TGFBR2: variants seen among roughly 807,000 people sequenced by gnomAD.
The protein encoded by TGFBR2 is transforming growth factor beta receptor 2.
TGFBR2 carries 18 observed loss-of-function variants against 49.0 expected under a neutral mutation model. The observed-to-expected ratio is 0.37, with a 90% confidence interval of 0.25 to 0.54. The LOEUF (loss-of-function observed/expected upper bound fraction) is 0.54, where lower values mean the gene tolerates loss of function less well. Ranked by LOEUF, TGFBR2 falls within the 20% of genes least tolerant of loss-of-function variation. TGFBR2 has a pLI of 0.85. For missense variants in TGFBR2, 525 were observed against 722.6 expected (o/e 0.73, Z 3.13); for synonymous variants, 282 against 275.9 (o/e 1.02, Z -0.22).
intron 1 of TGFBR2, among the ~76,000 whole-genome samples, chr3:30,608,544 A>G (rs749364299): frequency 2.0e-5 from 3 of 152,278 alleles, no homozygotes; most frequent in Admixed American, 2.0e-4. Flanking sequence ...ATCCAGGGAC[A>G]TGGGCAGATT....
chr3:30,611,168 A>C (rs1698021892), intron 1 of TGFBR2, among the ~76,000 whole-genome samples: 1 of 152,116 alleles, frequency 6.6e-6, no homozygotes, highest in African/African-American at 2.4e-5. Flanking sequence ...TCAGTTTTCT[A>C]TCTCTGGGAT....
At chr3:30,679,786 A>G (rs1026539665) in intron 5 of TGFBR2, among the ~76,000 whole-genome samples, 2 of 152,196 alleles carry the variant, frequency 1.3e-5, no homozygotes, top group Middle Eastern at 3.2e-3. Context: ...AGGCCTTAGT[A>G]TTCCTGGTAT....
intron 5 of TGFBR2, among the ~76,000 whole-genome samples, chr3:30,684,064 G>A (rs1699579929): frequency 6.6e-6 from 1 of 152,210 alleles, no homozygotes. Context: ...CCCTCCAGGA[G>A]GGACTGGCCT....
rs57473132 is a variant in TGFBR2 at position 30,615,456 on chromosome 3, T to C, written c.94+8479T>C. ...TCCAAAAAATTTATATGACATTACC[T>C]GTAATGAATTATGAAGCTGAAAGGA... is the stretch of plus-strand genomic sequence containing the variant. On this transcript the variant is annotated intron_variant, in intron 1 of 6. Coordinates refer to ENST00000295754, the MANE Select transcript of TGFBR2 (RefSeq NM_003242.6). 7.5e-3 allele frequency among the ~76,000 whole-genome samples: 1,139 copies of C among 152,302 alleles called. 19 individuals carry two copies. The highest frequency in any genetic ancestry group is 0.026 in the African/African-American group (1,084 of 41,566).
intron 3 of TGFBR2, among the ~76,000 whole-genome samples, chr3:30,654,149 C>T (rs1472165626): frequency 6.6e-6 from 1 of 152,000 alleles, no homozygotes; most frequent in Non-Finnish European, 1.5e-5. Flanking sequence ...AATTCAAATG[C>T]TAGACAAATT....
intron 1 of TGFBR2, among the ~76,000 whole-genome samples, chr3:30,611,919 CCT>C (rs1258752728): frequency 1.3e-5 from 2 of 152,134 alleles, no homozygotes; most frequent in Non-Finnish European, 1.5e-5. Flanking sequence ...CCCTCCAGGT[CCT>C]TATGTACAAC....
chr3:30,685,340 A>C (rs1699602523), intron 5 of TGFBR2, among the ~76,000 whole-genome samples: 3 of 152,246 alleles, frequency 2.0e-5, no homozygotes. Context: ...GTAGCTTTGC[A>C]GCTACAGTCA....
At chr3:30,622,317 A>C (rs1404497234) in intron 1 of TGFBR2, among the ~76,000 whole-genome samples, 1 of 152,140 alleles carries the variant, frequency 6.6e-6, no homozygotes, top group East Asian at 1.9e-4. Context: ...AAGAAAATGA[A>C]ATGATCAGAC....
intron 3 of TGFBR2, among the ~76,000 whole-genome samples, chr3:30,668,550 A>G (rs754346702): frequency 5.9e-5 from 9 of 152,132 alleles, no homozygotes; most frequent in Non-Finnish European, 1.2e-4. Flanking sequence ...GCTGTACAAC[A>G]GGGACAGTCC....
intron 1 of TGFBR2, among the ~76,000 whole-genome samples, chr3:30,638,945 G>A (rs377565694): frequency 2.6e-5 from 4 of 152,088 alleles, no homozygotes; most frequent in African/African-American, 9.7e-5. Flanking sequence ...AAATGCTGCA[G>A]GCAATTAAAA....
intron 3 of TGFBR2, among the ~76,000 whole-genome samples, chr3:30,653,886 C>T (rs895723610): frequency 6.6e-6 from 1 of 152,096 alleles, no homozygotes; most frequent in Admixed American, 6.6e-5. Context: ...CCACCCCATG[C>T]GAGTAGGCAC....
At chr3:30,639,237 G>T (rs1390168004) in intron 1 of TGFBR2, among the ~76,000 whole-genome samples, 1 of 152,170 alleles carries the variant, frequency 6.6e-6, no homozygotes, top group Admixed American at 6.5e-5. Flanking sequence ...CTTCCTATCT[G>T]TAAGGTCAGT....
At chr3:30,670,930 C>G (rs536379772) in intron 3 of TGFBR2, among the ~76,000 whole-genome samples, 2 of 152,342 alleles carry the variant, frequency 1.3e-5, no homozygotes, top group Admixed American at 1.3e-4. Context: ...GACTCCTCTC[C>G]CTGTCACCCA....
rs147020737 is a variant in TGFBR2, at chr3:30,656,927, C to T, written c.454+6467C>T. On this transcript the variant is annotated intron_variant, in intron 3 of 6. Transcript: ENST00000295754. ...TAGTGATGATCGCTGCCTTGGATTGCAGCCTACTCTGAATGTGTGCACCTG... is the reference window on the plus strand; with the variant it reads ...TAGTGATGATCGCTGCCTTGGATTGTAGCCTACTCTGAATGTGTGCACCTG... Among the ~76,000 whole-genome samples the T allele has an allele frequency of 5.2e-3, 790 of 152,326 alleles. 10 individuals are homozygous for T. The highest frequency in any genetic ancestry group is 0.018 in the African/African-American group (766 of 41,566).
chr3:30,685,439 G>A (rs1699604043), intron 5 of TGFBR2, among the ~76,000 whole-genome samples: 1 of 152,154 alleles, frequency 6.6e-6, no homozygotes, highest in African/African-American at 2.4e-5. Flanking sequence ...TACTAGAAGT[G>A]GAGTCTGACA....
At chr3:30,607,948 T>A (rs1174512121) in intron 1 of TGFBR2, among the ~76,000 whole-genome samples, 1 of 146,844 alleles carries the variant, frequency 6.8e-6, no homozygotes, top group Non-Finnish European at 1.5e-5. Context: ...AAAGTTAGAT[T>A]TTTTTTTTTT....
intron 4 of TGFBR2, among the ~76,000 whole-genome samples, chr3:30,673,699 A>G (rs11466520): frequency 0.022 from 3,338 of 152,184 alleles, 125 homozygotes; most frequent in African/African-American, 0.075. Context: ...TATTATTTTT[A>G]CCATAAGTCT....
At chr3:30,637,899 T>C (rs1698568425) in intron 1 of TGFBR2, among the ~76,000 whole-genome samples, 1 of 152,236 alleles carries the variant, frequency 6.6e-6, no homozygotes, top group Admixed American at 6.5e-5. Context: ...GCAGTGTTGA[T>C]TGATATCAAT....
At chr3:30,661,581 C>T (rs772547700) in intron 3 of TGFBR2, 33 of 516,210 alleles carry the variant, frequency 6.4e-5, no homozygotes, top group Admixed American at 4.1e-4. Context: ...TGCAAAGGAG[C>T]ACTTGTCAAA....
Sources: allele counts gnomAD v4.1 joint callset (sites outside exome capture counted in the v4.1 genomes callset), GRCh38; gene constraint gnomAD v4.1.1; transcripts MANE v1.5; gene names NCBI Gene and HGNC (gene_info 2026-07-23, HGNC 2026-07-21).